Variants in TBC1D5 observed in about 807,000 individuals in gnomAD.
TBC1D5 encodes TBC1 domain family, member 5.
Under a neutral mutation model 100.3 loss-of-function variants are expected in TBC1D5, and 75 were observed. The observed-to-expected ratio is 0.75, with a 90% confidence interval of 0.62 to 0.91. TBC1D5 has a LOEUF of 0.91. TBC1D5 is among the 40% of genes least tolerant of loss of function. The pLI, the probability that TBC1D5 is intolerant of heterozygous loss-of-function variation, is 0.00. For missense variants in TBC1D5, 910 were observed against 942.4 expected, an observed-to-expected ratio of 0.97 and a Z score of 0.45; for synonymous variants, 323 against 325.6, an observed-to-expected ratio of 0.99 and a Z score of 0.09.
At chr3:17,597,280 C>G (rs1422330468) in intron 2 of TBC1D5, among the ~76,000 whole-genome samples, 1 of 152,156 alleles carries the variant, frequency 6.6e-6, no homozygotes, top group Non-Finnish European at 1.5e-5. Context: ...AAAAGAACAT[C>G]TATTGAGTGC....
Position 17,668,666 on chromosome 3 carries a change from A to G in TBC1D5, c.-100-44753T>C, listed in dbSNP as rs116287152. 7.2e-3 allele frequency among the ~76,000 whole-genome samples: 1,090 copies of G among 152,286 alleles called. 13 individuals carry two copies. The highest frequency in any genetic ancestry group is 0.013 in the Non-Finnish European group (853 of 68,018). ...ATAGGCCACTTCCAGTGAGCAAACAATTCATTCTGCGTAAACTGCCAAGAT... is the reference window on the plus strand; with the variant it reads ...ATAGGCCACTTCCAGTGAGCAAACAGTTCATTCTGCGTAAACTGCCAAGAT... On this transcript the variant is annotated intron_variant, in intron 1 of 21. Coordinates refer to ENST00000253692, the Ensembl canonical transcript of TBC1D5.
At chr3:17,349,273 G>A (rs775472366) in intron 13 of TBC1D5, among the ~76,000 whole-genome samples, 7 of 152,184 alleles carry the variant, frequency 4.6e-5, no homozygotes, top group Non-Finnish European at 7.4e-5. Flanking sequence ...ATTCTTAGTC[G>A]CCTCTAACAC....
intron 4 of TBC1D5, among the ~76,000 whole-genome samples, chr3:17,409,321 A>G (rs937863491): frequency 1.3e-5 from 2 of 152,172 alleles, no homozygotes; most frequent in African/African-American, 2.4e-5. Context: ...CCACAACCAT[A>G]TAAGACAGTG....
At chr3:17,572,404 C>CT (rs2096632921) in intron 2 of TBC1D5, among the ~76,000 whole-genome samples, 1 of 151,812 alleles carries the variant, frequency 6.6e-6, no homozygotes, top group South Asian at 2.1e-4. Context: ...AACTTAACCA[C>CT]TTTAACTTAC....
chr3:17,661,832 C>T (rs761200268), intron 1 of TBC1D5, among the ~76,000 whole-genome samples: 1 of 152,028 alleles, frequency 6.6e-6, no homozygotes, highest in African/African-American at 2.4e-5. Flanking sequence ...GACACAGTTG[C>T]TAGGATAGTG....
At chr3:17,547,055 T>A (rs2096423890) in intron 2 of TBC1D5, 1 of 152,120 alleles carries the variant, frequency 6.6e-6, no homozygotes, top group South Asian at 2.1e-4. Context: ...CAGATCTAGG[T>A]GTAATCAACA....
rs527356201 is a variant in TBC1D5, at chr3:17,241,744, T to C, written c.1332-3325A>G. On this transcript the variant is annotated intron_variant, in intron 16 of 21. Coordinates refer to ENST00000253692, the Ensembl canonical transcript of TBC1D5. ...TCTCTTCTAGTGAGAAGCATTACTA[T>C]ACAAAGTTAGCAGAGAACACAGTCA... 7.9e-5 allele frequency among the ~76,000 whole-genome samples: 12 copies of C among 152,344 alleles called. No individual in the cohort carries two copies. The East Asian group carries it at 2.1e-3, about 27-fold the overall frequency.
chr3:17,335,729 A>C (rs2087645000), intron 13 of TBC1D5, among the ~76,000 whole-genome samples: 1 of 152,082 alleles, frequency 6.6e-6, no homozygotes, highest in African/African-American at 2.4e-5. Context: ...ACAGAATATC[A>C]AATTACTCAG....
At chr3:17,676,130 A>G (rs368301433) in intron 1 of TBC1D5, among the ~76,000 whole-genome samples, 17 of 152,306 alleles carry the variant, frequency 1.1e-4, no homozygotes, top group African/African-American at 4.1e-4. Flanking sequence ...TTTTACTAAA[A>G]GAAATAAATC....
chr3:17,496,939 C>A (rs1366058017), intron 3 of TBC1D5, among the ~76,000 whole-genome samples: 1 of 152,134 alleles, frequency 6.6e-6, no homozygotes, highest in Admixed American at 6.5e-5. Context: ...CTAGTCCCAT[C>A]CTGTGTCATT....
intron 1 of TBC1D5, among the ~76,000 whole-genome samples, chr3:17,697,065 T>A (rs2072231732): frequency 6.6e-6 from 1 of 152,236 alleles, no homozygotes; most frequent in Non-Finnish European, 1.5e-5. Context: ...TATTTCATGC[T>A]AAAAACTCTC....
chr3:17,481,247 C>A (rs930707240), intron 3 of TBC1D5, among the ~76,000 whole-genome samples: 1 of 152,232 alleles, frequency 6.6e-6, no homozygotes, highest in African/African-American at 2.4e-5. Context: ...AAGCAGCTGA[C>A]GTGCCTGGCT....
chr3:17,629,723 AG>A (rs1320615377), intron 1 of TBC1D5, among the ~76,000 whole-genome samples: 3 of 152,214 alleles, frequency 2.0e-5, no homozygotes, highest in Non-Finnish European at 4.4e-5. Flanking sequence ...AAAAGAAGCT[AG>A]GAACAGCCTT....
chr3:17,265,130 C>A (rs1391432505), intron 15 of TBC1D5, among the ~76,000 whole-genome samples: 1 of 152,104 alleles, frequency 6.6e-6, no homozygotes, highest in Non-Finnish European at 1.5e-5. Flanking sequence ...ACTATTAATG[C>A]AGCATTTGTT....
chr3:17,712,656 G>A (rs2074853217), intron 1 of TBC1D5, among the ~76,000 whole-genome samples: 2 of 152,014 alleles, frequency 1.3e-5, no homozygotes, highest in African/African-American at 4.8e-5. Context: ...AGCTGCAAAG[G>A]CCCACCATTG....
chr3:17,576,529 A>G (rs2153521438), intron 2 of TBC1D5: 1 of 152,160 alleles, frequency 6.6e-6, no homozygotes, highest in Middle Eastern at 3.4e-3. Context: ...GTGGTCCCTG[A>G]GACAATATCA....
In TBC1D5 at chr3:17,690,311, G is replaced by T. The variant is rs1207519855; in HGVS notation, c.-101+49032C>A. 2.0e-4 allele frequency among the ~76,000 whole-genome samples: 9 copies of T among 44,298 alleles called. 3 individuals are homozygous for T. The highest frequency in any genetic ancestry group is 3.6e-4 in the Non-Finnish European group (8 of 22,034). The allele number at this position is 44,298 out of a possible 152,430, so 29.1% of individuals were successfully genotyped here. On this transcript the variant is annotated intron_variant, in intron 1 of 21. Coordinates refer to ENST00000253692, the Ensembl canonical transcript of TBC1D5. ...GGCTCACTGCAAGCTCTGCCTCCCG[G>T]GTTCACGCCATTCTCCCGCCTCAGC...
chr3:17,168,789 G>A (rs532627377), intron 19 of TBC1D5, among the ~76,000 whole-genome samples: 1 of 152,186 alleles, frequency 6.6e-6, no homozygotes, highest in East Asian at 1.9e-4. Context: ...ATTCTTGGTG[G>A]CGTAAAAAAA....
chr3:17,456,235 C>A (rs990966810), intron 3 of TBC1D5, among the ~76,000 whole-genome samples: 2 of 152,132 alleles, frequency 1.3e-5, no homozygotes, highest in African/African-American at 2.4e-5. Flanking sequence ...GGACATTGGT[C>A]TGGGCAAAGA....
Sources: allele counts gnomAD v4.1 joint callset (sites outside exome capture counted in the v4.1 genomes callset), GRCh38; gene constraint gnomAD v4.1.1; transcripts MANE v1.5; gene names NCBI Gene and HGNC (gene_info 2026-07-23, HGNC 2026-07-21).